PYHIN1: variants seen among roughly 807,000 people sequenced by gnomAD.
PYHIN1 encodes pyrin and HIN domain-containing protein 1.
In PYHIN1, 32 loss-of-function variants were observed where a neutral mutation model predicts 43.7. The ratio of observed to expected loss-of-function variants is 0.73; its 90% CI spans 0.55 to 0.98. The LOEUF is 0.98. PYHIN1 is among the 50% of genes least tolerant of loss of function. The pLI, the probability that PYHIN1 is intolerant of heterozygous loss-of-function variation, is 0.00. For missense variants in PYHIN1, 588 were observed against 589.5 expected (o/e 1.00, Z 0.03); for synonymous variants, 205 against 203.1 (o/e 1.01, Z -0.08).
intron 7 of PYHIN1, among the ~76,000 whole-genome samples, chr1:158,945,967 CAG>C (rs1173126763): frequency 6.6e-6 from 1 of 152,114 alleles, no homozygotes; most frequent in African/African-American, 2.4e-5. Context: ...TTCTCAAAGA[CAG>C]TGTTAGAGTC....
At chr1:158,943,135 A>G (rs1224271103) in intron 5 of PYHIN1, among the ~76,000 whole-genome samples, 1 of 152,126 alleles carries the variant, frequency 6.6e-6, no homozygotes, top group Non-Finnish European at 1.5e-5. Flanking sequence ...TAGATGACTG[A>G]CAGCTCATGA....
chr1:158,965,628 T>C (rs940433591), intron 7 of PYHIN1, among the ~76,000 whole-genome samples: 1 of 152,172 alleles, frequency 6.6e-6, no homozygotes, highest in African/African-American at 2.4e-5. Flanking sequence ...TTAAACAGCC[T>C]TCTCCTGAAT....
In PYHIN1 at chr1:158,976,868, C is replaced by CTATA. The variant is rs145640162; in HGVS notation, c.*218_*221dup. Reference sequence around the variant, plus strand: ...TATGTATATATATCTGGTTGAAATACTATATATATATATATATATATATAT... The same window carrying CTATA: ...TATGTATATATATCTGGTTGAAATACTATATATATATATATATATATATATATAT... On this transcript the variant is annotated 3_prime_UTR_variant, in exon 9 of 9. Transcript: ENST00000368140. The CTATA allele has an allele frequency of 2.0e-4, 45 of 221,510 alleles. No homozygotes were observed. Among genetic ancestry groups the CTATA allele is most frequent in the African/African-American group, 1.2e-3 (42 of 34,366 alleles). The allele number at this position is 221,510 out of a possible 1,614,324, so 13.7% of individuals were successfully genotyped here.
In PYHIN1 at chr1:158,945,824, G is replaced by A. The variant is rs942303826; in HGVS notation, c.1359+782G>A. 2.6e-5 allele frequency among the ~76,000 whole-genome samples: 4 copies of A among 152,248 alleles called. No individual in the cohort carries two copies. The South Asian group carries it at 8.3e-4, about 32-fold the overall frequency. ...TGTTTGAGCATTTAACTAGGTGTTTGGTCTTACATGTTGTTCCTGATGTAC... is the reference window on the plus strand; with the variant it reads ...TGTTTGAGCATTTAACTAGGTGTTTAGTCTTACATGTTGTTCCTGATGTAC... On this transcript the variant is annotated intron_variant, in intron 7 of 8. Transcript: ENST00000368140.
chr1:158,983,535 T>G, the PYHIN1 span, among the ~76,000 whole-genome samples: 1 of 151,560 alleles, frequency 6.6e-6, no homozygotes, highest in Non-Finnish European at 1.5e-5. Flanking sequence ...CTGGATTTAG[T>G]TTGCTAGTAT....
chr1:158,951,110 T>A (rs1420779961), intron 7 of PYHIN1, among the ~76,000 whole-genome samples: 4 of 152,182 alleles, frequency 2.6e-5, no homozygotes, highest in Non-Finnish European at 5.9e-5. Context: ...GAGATGTGCC[T>A]GTGAGCTCGA....
intron 7 of PYHIN1, among the ~76,000 whole-genome samples, chr1:158,960,286 A>G (rs1650249564): frequency 6.6e-6 from 1 of 152,212 alleles, no homozygotes; most frequent in Admixed American, 6.5e-5. Context: ...TCTCTTGGCC[A>G]CTTCAATATC....
intron 7 of PYHIN1, among the ~76,000 whole-genome samples, chr1:158,956,567 A>C (rs1388510056): frequency 1.3e-5 from 2 of 151,896 alleles, no homozygotes; most frequent in Non-Finnish European, 2.9e-5. Context: ...TTCATGCTAA[A>C]AACTCTCAAT....
chr1:158,939,803 G>C (rs1648802565), intron 4 of PYHIN1: 2 of 438,430 alleles, frequency 4.6e-6, no homozygotes, highest in East Asian at 7.0e-5. Flanking sequence ...AAGTTAATAA[G>C]TGTTTATCTT....
chr1:158,936,241 C>T (rs1334827302), intron 1 of PYHIN1, among the ~76,000 whole-genome samples: 28 of 116,828 alleles, frequency 2.4e-4, no homozygotes, highest in Non-Finnish European at 4.3e-4. Context: ...CCCCAGTGTG[C>T]GATGTTCCCC....
At chr1:158,938,928 T>C (rs1457420183) in intron 3 of PYHIN1, 152 bp from the exon 4 acceptor site, 1 of 528,412 alleles carries the variant, frequency 1.9e-6, no homozygotes, top group East Asian at 3.2e-5. Context: ...AATGAAACCA[T>C]CTATGCCATG....
chr1:158,941,899 C>T lies in PYHIN1; in HGVS notation c.580-78C>T, dbSNP rs888051518. ...CAACTTTTGGGGGCCCAATGTTGTG[C>T]CTTGAGGTCACTGAAGAGCAATTCT... On this transcript the variant is annotated intron_variant, in intron 4 of 8. Coordinates refer to ENST00000368140, the MANE Select transcript of PYHIN1 (RefSeq NM_152501.5). 2.1e-5 allele frequency: 29 copies of T among 1,375,824 alleles called. No homozygotes were observed. The Admixed American group carries it at 6.5e-4, about 31-fold the overall frequency. The allele number at this position is 1,375,824 out of a possible 1,614,324, so 85.2% of individuals were successfully genotyped here.
the PYHIN1 span, among the ~76,000 whole-genome samples, chr1:158,983,714 T>TATCA: frequency 6.6e-6 from 1 of 152,152 alleles, no homozygotes; most frequent in East Asian, 1.9e-4. Flanking sequence ...GTAGGATTGG[T>TATCA]ATCAGCTCCT....
chr1:158,971,302 AT>A (rs2101732035), intron 7 of PYHIN1, among the ~76,000 whole-genome samples: 1 of 152,048 alleles, frequency 6.6e-6, no homozygotes, highest in East Asian at 1.9e-4. Context: ...AATGTCCTTA[AT>A]TATTTTCCTT....
downstream of PYHIN1, among the ~76,000 whole-genome samples, chr1:158,979,767 G>T (rs1475745618): frequency 1.3e-5 from 2 of 152,012 alleles, no homozygotes; most frequent in African/African-American, 4.8e-5. Context: ...GGCTACATGT[G>T]CAGGTTTGTT....
chr1:158,982,858 C>T, the PYHIN1 span, among the ~76,000 whole-genome samples: 1 of 151,952 alleles, frequency 6.6e-6, no homozygotes, highest in African/African-American at 2.4e-5. Context: ...TCTTTTACCT[C>T]CCAGGTTAGC....
chr1:158,958,034 T>C (rs1650065165), intron 7 of PYHIN1, among the ~76,000 whole-genome samples: 1 of 152,222 alleles, frequency 6.6e-6, no homozygotes, highest in African/African-American at 2.4e-5. Context: ...ATCAGAGAAA[T>C]GCCAATCTAA....
intron 7 of PYHIN1, among the ~76,000 whole-genome samples, chr1:158,963,460 C>T (rs1044813569): frequency 2.6e-5 from 4 of 151,970 alleles, no homozygotes; most frequent in Non-Finnish European, 5.9e-5. Flanking sequence ...TTCAAGCTGG[C>T]GAGGGAACAT....
chr1:158,982,447 T>C, the PYHIN1 span, among the ~76,000 whole-genome samples: 1 of 152,136 alleles, frequency 6.6e-6, no homozygotes, highest in Non-Finnish European at 1.5e-5. Context: ...GATCCAATGG[T>C]TGTAGGTGTG....
Sources: gnomAD v4.1 joint callset for allele counts (sites outside exome capture counted in the v4.1 genomes callset) on GRCh38, gnomAD v4.1.1 for gene constraint, MANE v1.5 for transcripts, NCBI Gene and HGNC (gene_info 2026-07-23, HGNC 2026-07-21) for gene names.